PRKD1: variants seen among roughly 807,000 people sequenced by gnomAD.
PRKD1 encodes serine/threonine-protein kinase D1.
PRKD1 carries 63 observed loss-of-function variants against 95.9 expected under a neutral mutation model. The observed-to-expected ratio is 0.66, with a 90% confidence interval of 0.54 to 0.81. The LOEUF is 0.81. Among genes scored for constraint, PRKD1 ranks in the 30% least tolerant of loss-of-function variants. The pLI is 0.00. For missense variants in PRKD1, 1,048 were observed against 1,165.3 expected, an observed-to-expected ratio of 0.90 and a Z score of 1.47; for synonymous variants, 425 against 423.1, an observed-to-expected ratio of 1.00 and a Z score of -0.05.
chr14:29,771,444 C>G (rs183671345), intron 1 of PRKD1, among the ~76,000 whole-genome samples: 31 of 152,236 alleles, frequency 2.0e-4, no homozygotes, highest in Admixed American at 1.0e-3. Context: ...CTCAGCCACC[C>G]CATGTTGGCT....
chr14:29,884,491 C>T (rs970522893), intron 1 of PRKD1, among the ~76,000 whole-genome samples: 1 of 152,154 alleles, frequency 6.6e-6, no homozygotes, highest in African/African-American at 2.4e-5. Context: ...TTTATACCCT[C>T]ATGAACCTTG....
intron 1 of PRKD1, among the ~76,000 whole-genome samples, chr14:29,747,546 C>T (rs1422465676): frequency 6.6e-6 from 1 of 151,858 alleles, no homozygotes; most frequent in African/African-American, 2.4e-5. Flanking sequence ...TAGAAATAGC[C>T]CAAATGTCCA....
chr14:29,899,766 T>C (rs760450685), intron 1 of PRKD1, among the ~76,000 whole-genome samples: 6 of 152,240 alleles, frequency 3.9e-5, no homozygotes, highest in Non-Finnish European at 7.3e-5. Context: ...GACTGACTGC[T>C]TAGTATGTGC....
chr14:29,879,843 A>T (rs951690638), intron 1 of PRKD1, among the ~76,000 whole-genome samples: 1 of 152,210 alleles, frequency 6.6e-6, no homozygotes, highest in Non-Finnish European at 1.5e-5. Context: ...AGACACTGGC[A>T]GCATTTCGCC....
chr14:29,786,877 ATTTG>A (rs1889297898), intron 1 of PRKD1, among the ~76,000 whole-genome samples: 1 of 148,318 alleles, frequency 6.7e-6, no homozygotes, highest in African/African-American at 2.5e-5. Context: ...CTAATTTTGG[ATTTG>A]TTTTTTTCTT....
chr14:29,870,863 T>C (rs955721503), intron 1 of PRKD1, among the ~76,000 whole-genome samples: 1 of 152,232 alleles, frequency 6.6e-6, no homozygotes, highest in Non-Finnish European at 1.5e-5. Flanking sequence ...CTCTATTACA[T>C]ACAACTTAGA....
intron 1 of PRKD1, among the ~76,000 whole-genome samples, chr14:29,786,981 CT>C (rs1352860157): frequency 6.6e-6 from 1 of 151,940 alleles, no homozygotes; most frequent in Non-Finnish European, 1.5e-5. Flanking sequence ...ATAAATCTCC[CT>C]CTTGGCAGTG....
chr14:29,926,699 A>G (rs1415022389), intron 1 of PRKD1, among the ~76,000 whole-genome samples: 2 of 152,168 alleles, frequency 1.3e-5, no homozygotes, highest in Middle Eastern at 3.2e-3. Context: ...CTCATACAGA[A>G]GTGGAACTAA....
In PRKD1 at chr14:29,630,510, T is replaced by C. The variant is rs111260712; in HGVS notation, c.1672+232A>G. ...GCCTAATACATAGTGTTTACCTGAATTTGTTAAATTTTAATATAAAATAGC... is the reference window on the plus strand; with the variant it reads ...GCCTAATACATAGTGTTTACCTGAACTTGTTAAATTTTAATATAAAATAGC... On this transcript the variant is annotated intron_variant, in intron 10 of 17. Coordinates refer to ENST00000331968, the MANE Select transcript of PRKD1 (RefSeq NM_002742.3). The C allele has an allele frequency of 1.1e-4, 61 of 544,148 alleles. 1 individual carries two copies. The highest frequency in any genetic ancestry group is 1.1e-3 in the African/African-American group (56 of 53,068). The allele number at this position is 544,148 out of a possible 1,614,324, so 33.7% of individuals were successfully genotyped here.
chr14:29,852,296 A>G (rs562193047), intron 1 of PRKD1, among the ~76,000 whole-genome samples: 1 of 152,278 alleles, frequency 6.6e-6, no homozygotes, highest in South Asian at 2.1e-4. Flanking sequence ...AGAGAACCTA[A>G]AAGAAAAAGG....
chr14:29,787,830 T>G (rs1232412824), intron 1 of PRKD1, among the ~76,000 whole-genome samples: 4 of 152,188 alleles, frequency 2.6e-5, no homozygotes, highest in African/African-American at 9.6e-5. Flanking sequence ...TTAAACTGTT[T>G]ACATTCAAGG....
intron 16 of PRKD1, among the ~76,000 whole-genome samples, 183 bp from the exon 17 acceptor site, chr14:29,578,543 TAAAA>T (rs992449669): frequency 7.0e-5 from 3 of 42,684 alleles, no homozygotes; most frequent in African/African-American, 1.5e-4. Flanking sequence ...TTTTGGATAC[TAAAA>T]AAAAAAAAAA....
chr14:29,650,028 T>C (rs937057803), intron 4 of PRKD1, among the ~76,000 whole-genome samples: 59 of 152,310 alleles, frequency 3.9e-4, no homozygotes, highest in East Asian at 1.2e-3. Flanking sequence ...TCCAGCTCCC[T>C]TTCCTGGTTG....
intron 1 of PRKD1, among the ~76,000 whole-genome samples, chr14:29,826,722 C>T (rs1215971949): frequency 1.2e-4 from 8 of 67,130 alleles, no homozygotes; most frequent in East Asian, 1.1e-3. Flanking sequence ...TATATATATA[C>T]ATATATATAC....
chr14:29,808,625 C>A (rs1890349652), intron 1 of PRKD1, among the ~76,000 whole-genome samples: 2 of 151,754 alleles, frequency 1.3e-5, no homozygotes, highest in Admixed American at 1.3e-4. Context: ...ATCTCGAACT[C>A]CTGACCTCAG....
intron 1 of PRKD1, among the ~76,000 whole-genome samples, chr14:29,909,152 G>A (rs976032783): frequency 6.6e-6 from 1 of 152,174 alleles, no homozygotes. Context: ...CAGCAGCTGT[G>A]GAGGGTGCGC....
chr14:29,725,827 G>A (rs929101256), intron 1 of PRKD1, among the ~76,000 whole-genome samples, 153 bp from the exon 2 acceptor site: 5 of 152,122 alleles, frequency 3.3e-5, no homozygotes, highest in Admixed American at 2.0e-4. Context: ...ATAAATGGTA[G>A]AGTTGATATT....
rs1463407537 is a variant in PRKD1, at chr14:29,818,606, T to C, written c.265-92932A>G. Among the ~76,000 whole-genome samples, 3 of 142,592 alleles carry C rather than the reference T, an allele frequency of 2.1e-5. 1 individual carries two copies. The highest frequency in any genetic ancestry group is 8.5e-3 in the Middle Eastern group (2 of 234). 93.5% of individuals were successfully genotyped at this position (142,592 alleles called of 152,430 possible). A position where few individuals can be genotyped will look rare whatever the true frequency, so the allele number is the denominator to read the frequency against. On this transcript the variant is annotated intron_variant, in intron 1 of 17. Coordinates refer to ENST00000331968, the MANE Select transcript of PRKD1 (RefSeq NM_002742.3). ...TTTAACATTTCAAAACTGAAAAGAA[T>C]ACTTCATTTGAAAAAAAAAAAAAAG...
chr14:29,913,308 A>G (rs10131028), intron 1 of PRKD1, among the ~76,000 whole-genome samples: 3,601 of 152,248 alleles, frequency 0.024, 150 homozygotes, highest in African/African-American at 0.082. Flanking sequence ...TTTTGGCCAA[A>G]AGGTAATAAA....
Sources: allele counts gnomAD v4.1 joint callset (sites outside exome capture counted in the v4.1 genomes callset), GRCh38; gene constraint gnomAD v4.1.1; transcripts MANE v1.5; gene names NCBI Gene and HGNC (gene_info 2026-07-23, HGNC 2026-07-21).